Variants in ATP8A1 observed in about 807,000 individuals in gnomAD.
ATP8A1 encodes the protein phospholipid-transporting ATPase IA.
ATP8A1 carries 90 observed loss-of-function variants against 177.7 expected under a neutral mutation model. That is an observed-to-expected ratio of 0.51 (90% CI 0.43 to 0.60). The LOEUF is 0.60. ATP8A1 is among the 20% of genes least tolerant of loss of function. The pLI is 0.00. For missense variants in ATP8A1, 1,072 were observed against 1,392.8 expected (o/e 0.77, Z 3.67); for synonymous variants, 493 against 485.9 (o/e 1.01, Z -0.19).
At chr4:42,506,016 T>C (rs967862797) in intron 23 of ATP8A1, among the ~76,000 whole-genome samples, 3 of 152,048 alleles carry the variant, frequency 2.0e-5, no homozygotes, top group African/African-American at 4.8e-5. Flanking sequence ...AGGGACTCAA[T>C]TGATCTCCCT....
At chr4:42,428,499 A>G (rs769876120) in intron 33 of ATP8A1, among the ~76,000 whole-genome samples, 6 of 152,176 alleles carry the variant, frequency 3.9e-5, no homozygotes, top group African/African-American at 4.8e-5. Flanking sequence ...TAGCATCTTC[A>G]CATTTATCCA....
At chr4:42,477,625 G>A (rs1191223000) in intron 25 of ATP8A1, among the ~76,000 whole-genome samples, 1 of 152,116 alleles carries the variant, frequency 6.6e-6, no homozygotes, top group Non-Finnish European at 1.5e-5. Flanking sequence ...CCTATGAGAA[G>A]AGATAAATAA....
intron 17 of ATP8A1, among the ~76,000 whole-genome samples, chr4:42,551,880 C>T (rs1729537774): frequency 6.6e-6 from 1 of 152,144 alleles, no homozygotes; most frequent in African/African-American, 2.4e-5. Context: ...GTCACAGATG[C>T]TGGCTTAGAA....
chr4:42,589,958 T>C (rs765100891), intron 7 of ATP8A1, among the ~76,000 whole-genome samples: 3 of 152,044 alleles, frequency 2.0e-5, no homozygotes, highest in African/African-American at 7.2e-5. Flanking sequence ...AAAATAAGCA[T>C]CGAAATTCAG....
chr4:42,414,976 A>C (rs1577885187), intron 35 of ATP8A1: 1 of 445,852 alleles, frequency 2.2e-6, no homozygotes, highest in South Asian at 2.9e-5. Flanking sequence ...TCTCCTCACC[A>C]CCCCCCACTC....
chr4:42,424,143 G>A (rs1484911285), intron 33 of ATP8A1, among the ~76,000 whole-genome samples: 2 of 151,976 alleles, frequency 1.3e-5, no homozygotes, highest in Non-Finnish European at 2.9e-5. Flanking sequence ...TGGTATTGGT[G>A]CATACCTGTT....
chr4:42,615,636 T>C (rs1736829529), intron 5 of ATP8A1, among the ~76,000 whole-genome samples: 2 of 152,220 alleles, frequency 1.3e-5, no homozygotes, highest in African/African-American at 2.4e-5. Context: ...TATAACTCAG[T>C]GTTTCCAAAA....
At position 42,506,953 on chromosome 4, in the gene ATP8A1, C is replaced by T. The variant is rs537343737; in HGVS notation, c.2086+63G>A. On this transcript the variant is annotated intron_variant, in intron 23 of 36. Transcript: ENST00000381668. Reference sequence around the variant, plus strand: ...AGATCTTGAAATGTCTCAAATCCATCTTCTGAACTACATTAACTTATTAAA... The same window carrying T: ...AGATCTTGAAATGTCTCAAATCCATTTTCTGAACTACATTAACTTATTAAA... 1.8e-4 allele frequency: 276 copies of T among 1,542,092 alleles called. No homozygotes were observed. In the African/African-American group the frequency reaches 3.5e-3, roughly 20 times the overall value.
chr4:42,501,231 T>G (rs1440205294), intron 24 of ATP8A1, among the ~76,000 whole-genome samples: 3 of 152,252 alleles, frequency 2.0e-5, no homozygotes, highest in Non-Finnish European at 2.9e-5. Flanking sequence ...AAATGATCAC[T>G]ATGCAAAACA....
intron 16 of ATP8A1, among the ~76,000 whole-genome samples, chr4:42,554,237 T>A (rs900017730): frequency 1.3e-5 from 2 of 151,960 alleles, no homozygotes; most frequent in African/African-American, 4.8e-5. Flanking sequence ...GTGCTGGCGG[T>A]CTGGACTGGG....
At chr4:42,416,493 C>T (rs1472120494) in intron 35 of ATP8A1, among the ~76,000 whole-genome samples, 1 of 152,012 alleles carries the variant, frequency 6.6e-6, no homozygotes, top group African/African-American at 2.4e-5. Flanking sequence ...AACATAATTC[C>T]GTTTTGTACA....
chr4:42,472,837 T>C (rs978093397), intron 25 of ATP8A1, among the ~76,000 whole-genome samples: 2 of 151,480 alleles, frequency 1.3e-5, no homozygotes, highest in Non-Finnish European at 2.9e-5. Flanking sequence ...CCAAAGTATG[T>C]TTTATATATA....
chr4:42,575,535 A>G, intron 13 of ATP8A1, 87 bp downstream of exon 13: 1 of 1,010,806 alleles, frequency 9.9e-7, no homozygotes, highest in East Asian at 2.4e-5. Flanking sequence ...AAAGCTGTCC[A>G]TTCATCTGCA....
In ATP8A1 at chr4:42,633,728, C is replaced by T. The variant is rs7658526; in HGVS notation, c.50-6619G>A. 5.7e-3 allele frequency among the ~76,000 whole-genome samples: 861 copies of T among 152,236 alleles called. 9 individuals are homozygous for T. Among genetic ancestry groups the T allele is most frequent in the African/African-American group, 0.02 (826 of 41,538 alleles). ...GTAAATATGAGAACAATGCCTGGCA[C>T]GTAGTAAGAGTTTAGTAATGAATGT... On this transcript the variant is annotated intron_variant, in intron 1 of 36. Coordinates refer to ENST00000381668, the MANE Select transcript of ATP8A1 (RefSeq NM_006095.2).
intron 25 of ATP8A1, among the ~76,000 whole-genome samples, chr4:42,481,744 T>A (rs1328163713): frequency 3.9e-5 from 6 of 152,174 alleles, no homozygotes; most frequent in African/African-American, 1.4e-4. Flanking sequence ...AAGGGCTTCA[T>A]GAAATTTTAC....
chr4:42,448,001 G>A (rs143408870), intron 30 of ATP8A1, among the ~76,000 whole-genome samples: 124 of 151,822 alleles, frequency 8.2e-4, no homozygotes, highest in Admixed American at 3.0e-3. Context: ...AATTATTGAG[G>A]GTCTCAAAAA....
chr4:42,654,386 G>A (rs1057129499), intron 1 of ATP8A1, among the ~76,000 whole-genome samples: 4 of 152,088 alleles, frequency 2.6e-5, no homozygotes, highest in Non-Finnish European at 2.9e-5. Flanking sequence ...TGGATGAAGG[G>A]AACAGAAACC....
chr4:42,424,533 A>G (rs1714363082), intron 33 of ATP8A1, among the ~76,000 whole-genome samples: 3 of 152,178 alleles, frequency 2.0e-5, no homozygotes. Context: ...GCACATTTAG[A>G]TTCTACTAAA....
Position 42,441,523 on chromosome 4 carries a change from C to T in ATP8A1, c.3123+2042G>A, listed in dbSNP as rs533608763. Reference sequence around the variant, plus strand: ...TGTTAGAAATTGAATACAGCTACAACATTTTTTGGGACTTATTAGCCTAAT... The same window carrying T: ...TGTTAGAAATTGAATACAGCTACAATATTTTTTGGGACTTATTAGCCTAAT... On this transcript the variant is annotated intron_variant, in intron 33 of 36. Transcript: ENST00000381668. Among the ~76,000 whole-genome samples, 108 of 152,212 alleles carry T rather than the reference C, an allele frequency of 7.1e-4. 1 individual carries two copies. The highest frequency in any genetic ancestry group is 3.3e-3 in the South Asian group (16 of 4,818).
Sources: gnomAD v4.1 joint callset for allele counts (sites outside exome capture counted in the v4.1 genomes callset) on GRCh38, gnomAD v4.1.1 for gene constraint, MANE v1.5 for transcripts, NCBI Gene and HGNC (gene_info 2026-07-23, HGNC 2026-07-21) for gene names.